Variants in GALNTL6 observed in about 807,000 individuals in gnomAD.
GALNTL6 encodes the protein polypeptide N-acetylgalactosaminyltransferase like 6.
In GALNTL6, 46 loss-of-function variants were observed where a neutral mutation model predicts 73.7. That is an observed-to-expected ratio of 0.62 (90% confidence interval 0.49 to 0.80). The LOEUF is 0.80. GALNTL6 is among the 30% of genes least tolerant of loss of function. The pLI is 0.00. For missense variants in GALNTL6, 604 were observed against 755.0 expected, an observed-to-expected ratio of 0.80 and a Z score of 2.34; for synonymous variants, 259 against 263.7, an observed-to-expected ratio of 0.98 and a Z score of 0.17.
intron 2 of GALNTL6, among the ~76,000 whole-genome samples, chr4:172,094,405 C>G (rs1195237051): frequency 6.6e-6 from 1 of 151,942 alleles, no homozygotes; most frequent in Non-Finnish European, 1.5e-5. Flanking sequence ...CAATCAAGTA[C>G]TTTCTTATAA....
chr4:171,851,385 G>T (rs970679879), intron 2 of GALNTL6, among the ~76,000 whole-genome samples: 4 of 152,162 alleles, frequency 2.6e-5, no homozygotes, highest in Non-Finnish European at 5.9e-5. Context: ...ACTGAATCAA[G>T]AAAGTAGAAG....
chr4:171,992,032 A>G (rs1317211581), intron 2 of GALNTL6, among the ~76,000 whole-genome samples: 1 of 151,922 alleles, frequency 6.6e-6, no homozygotes, highest in Non-Finnish European at 1.5e-5. Context: ...GTGAGAACGA[A>G]TTACAATGTT....
chr4:172,362,432 A>T (rs1293378221), intron 5 of GALNTL6, among the ~76,000 whole-genome samples: 1 of 152,060 alleles, frequency 6.6e-6, no homozygotes, highest in African/African-American at 2.4e-5. Context: ...TCTCTGCTTC[A>T]TTTGGCATTG....
In GALNTL6 at chr4:172,614,546, G is replaced by A. The variant is rs533595295; in HGVS notation, c.554-194815G>A. Among the ~76,000 whole-genome samples, 32 of 152,288 alleles carry A rather than the reference G, an allele frequency of 2.1e-4. No homozygotes were observed. In the South Asian group the frequency reaches 5.2e-3, roughly 25 times the overall value. ...TTTTTCACAATGATATAAGTATCTT[G>A]TATTGGGTAGTTTTATGTGTATAAG... On this transcript the variant is annotated intron_variant, in intron 5 of 12. Transcript: ENST00000506823.
intron 2 of GALNTL6, among the ~76,000 whole-genome samples, chr4:171,854,952 C>A (rs1735645176): frequency 1.3e-5 from 2 of 152,186 alleles, no homozygotes; most frequent in East Asian, 1.9e-4. Flanking sequence ...TATGCTCTAG[C>A]TGAGACGACA....
chr4:171,874,346 T>A (rs991369947), intron 2 of GALNTL6, among the ~76,000 whole-genome samples: 9 of 152,032 alleles, frequency 5.9e-5, no homozygotes, highest in Admixed American at 5.9e-4. Flanking sequence ...TGCCCCACCA[T>A]GCCAGGCTAA....
At chr4:171,924,500 A>G (rs1420973389) in intron 2 of GALNTL6, among the ~76,000 whole-genome samples, 2 of 152,156 alleles carry the variant, frequency 1.3e-5, no homozygotes, top group Non-Finnish European at 1.5e-5. Context: ...ATTTATATAA[A>G]AGGGATAAGA....
At chr4:171,852,656 A>G (rs1447475941) in intron 2 of GALNTL6, among the ~76,000 whole-genome samples, 2 of 152,056 alleles carry the variant, frequency 1.3e-5, no homozygotes, top group East Asian at 3.9e-4. Flanking sequence ...AATTAAGAAA[A>G]CCCATGTATC....
At chr4:172,891,471 A>G (rs974634708) in intron 8 of GALNTL6, among the ~76,000 whole-genome samples, 2 of 152,166 alleles carry the variant, frequency 1.3e-5, no homozygotes, top group Non-Finnish European at 2.9e-5. Context: ...GAATGCTAAA[A>G]ATATGCCTCC....
At chr4:172,622,294 A>T (rs1440175699) in intron 5 of GALNTL6, among the ~76,000 whole-genome samples, 1 of 152,194 alleles carries the variant, frequency 6.6e-6, no homozygotes, top group Non-Finnish European at 1.5e-5. Flanking sequence ...AACTCAAAAG[A>T]TCTCATTTGA....
intron 5 of GALNTL6, among the ~76,000 whole-genome samples, chr4:172,704,035 G>A (rs968524804): frequency 2.6e-5 from 4 of 151,740 alleles, no homozygotes; most frequent in African/African-American, 9.7e-5. Context: ...GATATCTGTT[G>A]TAATGTCACC....
intron 3 of GALNTL6, among the ~76,000 whole-genome samples, chr4:172,298,644 G>A (rs1049839587): frequency 5.9e-5 from 9 of 152,094 alleles, no homozygotes; most frequent in African/African-American, 2.2e-4. Flanking sequence ...TTTGTCATTG[G>A]TTCTGTTTAT....
chr4:172,116,500 G>A (rs1035985949), intron 2 of GALNTL6, among the ~76,000 whole-genome samples: 9 of 152,076 alleles, frequency 5.9e-5, no homozygotes, highest in Admixed American at 2.0e-4. Context: ...CAAACTCCTC[G>A]TCTCAGTGAT....
At position 172,601,111 on chromosome 4, in the gene GALNTL6, T is replaced by A. The variant is rs7664988; in HGVS notation, c.554-208250T>A. 8.6e-3 allele frequency among the ~76,000 whole-genome samples: 1,311 copies of A among 152,278 alleles called. 16 individuals carry two copies. The highest frequency in any genetic ancestry group is 0.026 in the African/African-American group (1,101 of 41,554). On this transcript the variant is annotated intron_variant, in intron 5 of 12. Transcript: ENST00000506823. Reference sequence around the variant, plus strand: ...ATATAATGAGGAGAGAAATAAAATGTATTTTTTAAAAACTAAGTGAGAAGT... The same window carrying A: ...ATATAATGAGGAGAGAAATAAAATGAATTTTTTAAAAACTAAGTGAGAAGT...
Position 172,691,537 on chromosome 4 carries a change from C to G in GALNTL6, c.554-117824C>G, listed in dbSNP as rs115160771. ...GTTACCTTAATAGCACATGGCTCTT[C>G]TAGTGAAAACACTGCTGTCATTACT... On this transcript the variant is annotated intron_variant, in intron 5 of 12. Transcript: ENST00000506823. 3.0e-3 allele frequency among the ~76,000 whole-genome samples: 455 copies of G among 152,298 alleles called. 2 individuals carry two copies. Among genetic ancestry groups the G allele is most frequent in the African/African-American group, 0.011 (437 of 41,574 alleles).
intron 2 of GALNTL6, among the ~76,000 whole-genome samples, chr4:172,072,053 G>C (rs891937823): frequency 6.6e-6 from 1 of 152,164 alleles, no homozygotes; most frequent in Non-Finnish European, 1.5e-5. Context: ...GCTGGCTCCC[G>C]GGCTCTTTAT....
At chr4:172,952,930 G>A (rs1179214401) in intron 10 of GALNTL6, among the ~76,000 whole-genome samples, 1 of 152,180 alleles carries the variant, frequency 6.6e-6, no homozygotes, top group Non-Finnish European at 1.5e-5. Flanking sequence ...ATGGGCACCT[G>A]ATATACGTGA....
chr4:171,999,052 G>A (rs1037990060), intron 2 of GALNTL6, among the ~76,000 whole-genome samples: 9 of 152,142 alleles, frequency 5.9e-5, no homozygotes, highest in African/African-American at 2.2e-4. Flanking sequence ...AGTCCCTCAG[G>A]AAACGTCTTT....
chr4:172,240,501 G>A (rs1737388711), intron 3 of GALNTL6, among the ~76,000 whole-genome samples: 1 of 152,098 alleles, frequency 6.6e-6, no homozygotes, highest in Non-Finnish European at 1.5e-5. Flanking sequence ...AAAGTGCTGG[G>A]ATTACAGGCG....
Sources: gnomAD v4.1 joint callset for allele counts (sites outside exome capture counted in the v4.1 genomes callset) on GRCh38, gnomAD v4.1.1 for gene constraint, MANE v1.5 for transcripts, NCBI Gene and HGNC (gene_info 2026-07-23, HGNC 2026-07-21) for gene names.